Variants in VILL observed in about 807,000 individuals in gnomAD.
VILL encodes the protein villin like.
VILL carries 102 observed loss-of-function variants against 106.3 expected under a neutral mutation model. That is an observed-to-expected ratio of 0.96 (90% CI 0.82 to 1.13). The LOEUF (loss-of-function observed/expected upper bound fraction) is 1.13, where lower values mean the gene tolerates loss of function less well. Ranked by LOEUF, VILL falls within the 50% of genes most tolerant of loss-of-function variation. The pLI is 0.00. For missense variants in VILL, 1,076 were observed against 1,116.6 expected, an observed-to-expected ratio of 0.96 and a Z score of 0.52; for synonymous variants, 431 against 440.3, an observed-to-expected ratio of 0.98 and a Z score of 0.27.
rs550461606 is a variant in VILL at position 37,997,830 on chromosome 3, G to A, written c.764+145G>A. 1,097 of 960,476 alleles carry A rather than the reference G, an allele frequency of 1.1e-3. 8 individuals carry two copies. The highest frequency in any genetic ancestry group is 2.9e-4 in the East Asian group (11 of 38,130). The allele number at this position is 960,476 out of a possible 1,614,324, so 59.5% of individuals were successfully genotyped here. A position where few individuals can be genotyped will look rare whatever the true frequency, so the allele number is the denominator to read the frequency against. On this transcript the variant is annotated intron_variant, in intron 7 of 19. Transcript: ENST00000383759. This position sits in a 1 kb window ranked among gnomAD's most constrained non-coding sequence, Gnocchi z 4.7. ...ACAGGTCATGTGGACCGTGGGTCCA[G>A]CCTGTACTCTTCCATGGCATGTGGC... is the stretch of plus-strand genomic sequence containing the variant.
chr3:38,006,117 T>C (rs1699915909), intron 17 of VILL, 64 bp from the exon 18 acceptor site: 6 of 1,610,972 alleles, frequency 3.7e-6, no homozygotes, highest in Non-Finnish European at 2.5e-6. Flanking sequence ...AGGCCCCTCA[T>C]GTGTCCCATT....
chr3:38,000,870 A>G (rs908787787), intron 11 of VILL: 39 of 456,562 alleles, frequency 8.5e-5, no homozygotes, highest in Admixed American at 1.9e-4. Flanking sequence ...ATCATCCCCA[A>G]TATACAGGTG....
intron 4 of VILL, 39 bp downstream of exon 4, chr3:37,994,505 A>G: frequency 6.3e-7 from 1 of 1,594,012 alleles, no homozygotes; most frequent in Non-Finnish European, 8.5e-7. Context: ...GGAGCCGTGG[A>G]GGCGGTGCCT....
At position 38,005,986 on chromosome 3, in the gene VILL, C is replaced by T. The variant is rs1246653257; in HGVS notation, c.2133+12C>T. ...CCTACAAGTGGACTGTGAGTGAGGC[C>T]TGAAACCCCCAGCCCTACCCTAATT... On this transcript the variant is annotated intron_variant, in intron 17 of 19. Transcript: ENST00000383759. The T allele has an allele frequency of 6.2e-7, 1 of 1,605,048 alleles. No homozygotes were observed. The highest frequency in any genetic ancestry group is 1.7e-5 in the Admixed American group (1 of 59,498).
intron 16 of VILL, 149 bp from the exon 17 acceptor site, chr3:38,005,643 G>C (rs1306366087): frequency 1.3e-5 from 10 of 759,118 alleles, no homozygotes; most frequent in South Asian, 1.9e-5. Context: ...ACGGGTGTGT[G>C]GGTACAGCCG....
chr3:38,000,672 G>A (rs1699796009), intron 11 of VILL, among the ~76,000 whole-genome samples: 2 of 152,230 alleles, frequency 1.3e-5, no homozygotes, highest in Admixed American at 1.3e-4. Flanking sequence ...CTGAGCCAGG[G>A]GTCCTGGCTG....
At chr3:37,989,264 A>G (rs1242314490), upstream of VILL, among the ~76,000 whole-genome samples, 5 of 152,186 alleles carry the variant, frequency 3.3e-5, no homozygotes, top group Non-Finnish European at 5.9e-5. Context: ...GCGATGTTAA[A>G]TGTGAGACCA....
In VILL at chr3:38,005,965, C is replaced by CAA. The variant is rs563068969; in HGVS notation, c.2125_2126dup (p.Trp710SerfsTer25). 4.7e-4 allele frequency: 755 copies of CAA among 1,611,194 alleles called. 4 individuals are homozygous for CAA. The African/African-American group carries it at 8.5e-3, about 18-fold the overall frequency. On this transcript the variant is annotated frameshift_variant, in exon 17 of 20. Transcript: ENST00000383759. LOFTEE classifies it high-confidence loss of function. ...GATGGTTCTTCACTTGGGACCCCTA[C>CAA]AAGTGGACTGTGAGTGAGGCCTGAA...
chr3:37,998,150 G>A lies in VILL; in HGVS notation c.825G>A (p.Gln275=). The A allele has an allele frequency of 6.2e-7, 1 of 1,613,960 alleles. No individual in the cohort carries two copies. The highest frequency in any genetic ancestry group is 1.1e-5 in the South Asian group (1 of 91,036). Residue 275 remains glutamine (Q), a synonymous_variant, in exon 8 of 20, where the codon CAG becomes CAA. Transcript: ENST00000383759. This position sits in a 1 kb window ranked among gnomAD's most constrained non-coding sequence, Gnocchi z 4.1. The part of the protein sequence containing the change: ...VLELATPPLT[Q]DLLQEEDFYI... ...AGTTGGCGACCCCCCCACTGACCCA[G>A]GACCTGCTGCAGGAGGAGGTGAGGA... is the stretch of plus-strand genomic sequence containing the variant.
rs1176437600 is a variant in VILL at position 37,999,037 on chromosome 3, G to A, written c.1068G>A (p.Lys356=). 1.3e-6 allele frequency: 2 copies of A among 1,579,330 alleles called. No homozygotes were observed. The highest frequency in any genetic ancestry group is 1.7e-6 in the Non-Finnish European group (2 of 1,160,522). The change falls in exon 10 of 20, where the codon AAG becomes AAA. Residue 356 remains lysine, a synonymous_variant. Transcript: ENST00000383759. ...TWSEKRRRNQ[K]LGGRDKSIHV... ...CTGAGAAGCGGCGCAGGAACCAGAA[G>A]CTCGGCGGGAGGGGTGAGCGGGCGG...
Position 37,994,478 on chromosome 3 carries a change from G to C in VILL, c.341+12G>C. On this transcript the variant is annotated intron_variant, in intron 4 of 19. Coordinates refer to ENST00000383759, the MANE Select transcript of VILL (RefSeq NM_015873.4). ...CGCCCGGGAATCATGTGAGTGCGGGGGCGACCGGGGCAGGAGGGAGCCGTG... is the reference window on the plus strand; with the variant it reads ...CGCCCGGGAATCATGTGAGTGCGGGCGCGACCGGGGCAGGAGGGAGCCGTG... 1.9e-6 allele frequency: 3 copies of C among 1,610,676 alleles called. No homozygotes were observed. The East Asian group carries it at 6.7e-5, about 36-fold the overall frequency.
chr3:38,001,594 G>T lies in VILL; in HGVS notation c.1320+1G>T, dbSNP rs1559366874. 3 of 1,614,092 alleles carry T rather than the reference G, an allele frequency of 1.9e-6. No individual in the cohort carries two copies. Among genetic ancestry groups the T allele is most frequent in the African/African-American group, 1.3e-5 (1 of 75,072 alleles). On this transcript the variant is annotated splice_donor_variant, in intron 12 of 19. Transcript: ENST00000383759. LOFTEE classifies it high-confidence loss of function. ...CCAGTACATCCTGTACCTATGGCAGGTGTGCCAGCCTGAGGGAGGCAGCAC... is the reference window on the plus strand; with the variant it reads ...CCAGTACATCCTGTACCTATGGCAGTTGTGCCAGCCTGAGGGAGGCAGCAC...
At chr3:38,004,156 C>T in intron 15 of VILL, 99 bp from the exon 16 acceptor site, 1 of 1,499,460 alleles carries the variant, frequency 6.7e-7, no homozygotes, top group Non-Finnish European at 9.0e-7. Flanking sequence ...GGCTCCCACT[C>T]CTGAGAAGTG....
At position 38,006,483 on chromosome 3, in the gene VILL, G is replaced by A; in HGVS notation, c.2240G>A (p.Gly747Asp). The stretch of plus-strand genomic sequence containing the variant: ...AACTTGCGGCTATCCAGATGGCCGG[G>A]CAATGGCAGGGCAGGTGCCGTGGCC... ...VNNLRLSRWP[G>D]NGRAGAVALQ... is the part of the protein sequence containing the mutation. Residue 747 changes from glycine (G) to aspartate (D), a missense_variant, in exon 19 of 20, where the codon GGC (glycine) becomes GAC (aspartate). Coordinates refer to ENST00000383759, the MANE Select transcript of VILL (RefSeq NM_015873.4). The A allele has an allele frequency of 1.2e-6, 2 of 1,607,476 alleles. No homozygotes were observed. Among genetic ancestry groups the A allele is most frequent in the African/African-American group, 2.7e-5 (2 of 74,916 alleles).
At chr3:37,993,993 T>C in intron 3 of VILL, 21 bp downstream of exon 3, 1 of 1,614,028 alleles carries the variant, frequency 6.2e-7, no homozygotes, top group East Asian at 2.2e-5. Context: ...TGGGGAAGTC[T>C]GCCTGAGAGG....
At chr3:38,000,443 G>A (rs1325692295) in intron 11 of VILL, among the ~76,000 whole-genome samples, 2 of 151,940 alleles carry the variant, frequency 1.3e-5, no homozygotes, top group Non-Finnish European at 2.9e-5. Context: ...TGGAGGAAGA[G>A]CAGGGAGAGA....
chr3:37,996,532 C>G (rs1699704485), intron 5 of VILL, among the ~76,000 whole-genome samples: 1 of 152,164 alleles, frequency 6.6e-6, no homozygotes, highest in South Asian at 2.1e-4. Context: ...GAATGGTAAC[C>G]CTTGAGGTAT....
In VILL at chr3:37,997,200, C is replaced by A; in HGVS notation, c.561+13C>A. On this transcript the variant is annotated intron_variant, in intron 6 of 19. Transcript: ENST00000383759. This position sits in a 1 kb window ranked among gnomAD's most constrained non-coding sequence, Gnocchi z 4.7. The stretch of plus-strand genomic sequence containing the variant: ...TGAGAAGGCTCGGGTCAGTGTCTGC[C>A]CAAGGAACTGGGGAGTACGGGGCTT... 2 of 1,612,340 alleles carry A rather than the reference C, an allele frequency of 1.2e-6. No homozygotes were observed. Among genetic ancestry groups the A allele is most frequent in the Admixed American group, 1.7e-5 (1 of 60,020 alleles).
chr3:37,993,860 G>A (rs765276828), intron 2 of VILL, 38 bp from the exon 3 acceptor site: 16 of 1,613,202 alleles, frequency 9.9e-6, no homozygotes, highest in Admixed American at 1.7e-5. Flanking sequence ...CATGGGTAGA[G>A]GCCTCCTGAG....
Sources: allele counts gnomAD v4.1 joint callset (sites outside exome capture counted in the v4.1 genomes callset), GRCh38; gene constraint gnomAD v4.1.1; non-coding constraint Gnocchi (gnomAD v3.1); transcripts MANE v1.5; gene names NCBI Gene and HGNC (gene_info 2026-07-23, HGNC 2026-07-21).